NME7: variants seen among roughly 807,000 people sequenced by gnomAD.
NME7 encodes NME/NM23 family member 7, also known as nucleoside diphosphate kinase 7.
In NME7, 41 loss-of-function variants were observed where a neutral mutation model predicts 49.1. The ratio of observed to expected loss-of-function variants is 0.83; its 90% CI spans 0.65 to 1.08. NME7 has a LOEUF of 1.08. Ranked by LOEUF, NME7 falls within the 50% of genes least tolerant of loss-of-function variation. NME7 has a pLI of 0.00. For synonymous variants in NME7, 139 were observed against 150.6 expected (o/e 0.92, Z 0.56); for missense variants, 423 against 463.4 (o/e 0.91, Z 0.80).
chr1:169,306,264 C>T (rs761664664), intron 4 of NME7, among the ~76,000 whole-genome samples: 4 of 151,982 alleles, frequency 2.6e-5, no homozygotes, highest in Admixed American at 6.6e-5. Context: ...AAACCACTGA[C>T]GGATTTAAGG....
chr1:169,193,688 T>G (rs1660295471), intron 10 of NME7, among the ~76,000 whole-genome samples: 1 of 152,198 alleles, frequency 6.6e-6, no homozygotes, highest in South Asian at 2.1e-4. Flanking sequence ...CAGCTCCAGC[T>G]GGTGGCTATG....
chr1:169,314,215 C>A (rs772761070), intron 3 of NME7, among the ~76,000 whole-genome samples: 28 of 151,456 alleles, frequency 1.8e-4, no homozygotes, highest in Non-Finnish European at 4.0e-4. Context: ...TAAATGAATA[C>A]TCATTACATA....
chr1:169,157,205 G>T (rs1659103540), intron 11 of NME7, among the ~76,000 whole-genome samples: 1 of 152,162 alleles, frequency 6.6e-6, no homozygotes, highest in Non-Finnish European at 1.5e-5. Flanking sequence ...GAGAGAGAGG[G>T]TATGGAGGTG....
intron 1 of NME7, among the ~76,000 whole-genome samples, chr1:169,349,255 C>G (rs905587708): frequency 2.0e-5 from 3 of 152,050 alleles, no homozygotes; most frequent in African/African-American, 7.2e-5. Context: ...CTCCAGTCAT[C>G]GGGACTTTAG....
At chr1:169,331,689 G>T (rs2101947684) in intron 1 of NME7, among the ~76,000 whole-genome samples, 1 of 151,450 alleles carries the variant, frequency 6.6e-6, no homozygotes, top group Non-Finnish European at 1.5e-5. Flanking sequence ...ATCTTAAAAA[G>T]AAATTTTAAA....
At chr1:169,224,034 T>C (rs1019298683) in intron 10 of NME7, among the ~76,000 whole-genome samples, 5 of 152,190 alleles carry the variant, frequency 3.3e-5, no homozygotes, top group Admixed American at 1.3e-4. Context: ...CTACCACATA[T>C]AACCAACCTC....
intron 10 of NME7, among the ~76,000 whole-genome samples, chr1:169,222,879 C>A (rs1177403571): frequency 6.6e-6 from 1 of 152,158 alleles, no homozygotes; most frequent in Non-Finnish European, 1.5e-5. Context: ...TAATCTGATG[C>A]TCCACTACCT....
At chr1:169,282,002 G>A (rs1650037873) in intron 7 of NME7, among the ~76,000 whole-genome samples, 1 of 152,084 alleles carries the variant, frequency 6.6e-6, no homozygotes, top group Admixed American at 6.5e-5. Context: ...TCTATTGTTT[G>A]GAACAGTTTC....
rs1397762513 is a variant in NME7, at chr1:169,275,254, T to C, written c.754+12049A>G. On this transcript the variant is annotated intron_variant, in intron 7 of 11. Coordinates refer to ENST00000367811, the MANE Select transcript of NME7 (RefSeq NM_013330.5). ...ATTGTGAATGGGAGCTCACTCATGA[T>C]TTGGCTCTCTGTTTGTCTGTTATTG... 1.5e-5 allele frequency among the ~76,000 whole-genome samples: 2 copies of C among 130,820 alleles called. 1 individual carries two copies. Among genetic ancestry groups the C allele is most frequent in the Non-Finnish European group, 3.6e-5 (2 of 56,082 alleles). The allele number at this position is 130,820 out of a possible 152,430, so 85.8% of individuals were successfully genotyped here. A position where few individuals can be genotyped will look rare whatever the true frequency, so the allele number is the denominator to read the frequency against.
Position 169,263,350 on chromosome 1 carries a change from T to A in NME7, c.754+23953A>T, listed in dbSNP as rs530004209. ...ATGTTGAAACCCAATCCAAGGAAGC[T>A]AAGAATCACAATAAAACAATACAGG... On this transcript the variant is annotated intron_variant, in intron 7 of 11. Transcript: ENST00000367811. Among the ~76,000 whole-genome samples, 69 of 133,514 alleles carry A rather than the reference T, an allele frequency of 5.2e-4. 13 individuals are homozygous for A. Among genetic ancestry groups the A allele is most frequent in the Non-Finnish European group, 1.0e-3 (57 of 56,878 alleles). 87.6% of individuals were successfully genotyped at this position (133,514 alleles called of 152,430 possible).
At chr1:169,230,575 T>C (rs1647566093) in intron 10 of NME7, 143 bp downstream of exon 10, 1 of 448,500 alleles carries the variant, frequency 2.2e-6, no homozygotes, top group Admixed American at 4.1e-5. Flanking sequence ...ATAAATTTTA[T>C]GAAGTGCCAT....
chr1:169,321,058 T>C (rs1315712671), intron 3 of NME7, among the ~76,000 whole-genome samples: 2 of 152,212 alleles, frequency 1.3e-5, no homozygotes, highest in Non-Finnish European at 2.9e-5. Flanking sequence ...ACATAAATTA[T>C]AATTTTTATG....
At position 169,209,317 on chromosome 1, in the gene NME7, T is replaced by C. The variant is rs147029950; in HGVS notation, c.990+21401A>G. Among the ~76,000 whole-genome samples, 47 of 152,240 alleles carry C rather than the reference T, an allele frequency of 3.1e-4. No individual in the cohort carries two copies. The East Asian group carries it at 7.9e-3, about 26-fold the overall frequency. On this transcript the variant is annotated intron_variant, in intron 10 of 11. Coordinates refer to ENST00000367811, the MANE Select transcript of NME7 (RefSeq NM_013330.5). Reference sequence around the variant, plus strand: ...TGCTTTTGAGAGTAAAAGCTATTTATATGTACGTGATATTTAAATCTCTGG... The same window carrying C: ...TGCTTTTGAGAGTAAAAGCTATTTACATGTACGTGATATTTAAATCTCTGG...
intron 10 of NME7, among the ~76,000 whole-genome samples, chr1:169,194,387 A>C (rs1660313986): frequency 6.6e-6 from 1 of 152,188 alleles, no homozygotes. Context: ...ACAGATGGTA[A>C]AGTTCCATGT....
chr1:169,315,358 G>C (rs1003944720), intron 3 of NME7, among the ~76,000 whole-genome samples: 1 of 150,588 alleles, frequency 6.6e-6, no homozygotes, highest in African/African-American at 2.4e-5. Flanking sequence ...TCCACCTCCC[G>C]GGTTCAAGCA....
intron 1 of NME7, among the ~76,000 whole-genome samples, chr1:169,360,279 T>A (rs1237265943): frequency 6.6e-6 from 1 of 151,450 alleles, no homozygotes; most frequent in Admixed American, 6.6e-5. Flanking sequence ...AAATTAGGAG[T>A]CTCTGAAGTT....
chr1:169,326,376 C>A (rs1159875625), intron 1 of NME7, among the ~76,000 whole-genome samples: 5 of 152,154 alleles, frequency 3.3e-5, no homozygotes, highest in African/African-American at 1.2e-4. Context: ...ATTTGGAGAG[C>A]TTTTAAGGCA....
intron 11 of NME7, among the ~76,000 whole-genome samples, chr1:169,141,612 C>G (rs922255155): frequency 6.6e-6 from 1 of 152,154 alleles, no homozygotes; most frequent in East Asian, 1.9e-4. Context: ...GTACTCTTTA[C>G]AAGAAAAACA....
intron 10 of NME7, among the ~76,000 whole-genome samples, chr1:169,182,188 A>AAAAAAC (rs1242794623): frequency 2.1e-5 from 3 of 145,790 alleles, no homozygotes; most frequent in African/African-American, 2.5e-5. Flanking sequence ...AAAAAAAAAA[A>AAAAAAC]ACAACTCTGT....
Sources: allele counts gnomAD v4.1 joint callset (sites outside exome capture counted in the v4.1 genomes callset), GRCh38; gene constraint gnomAD v4.1.1; transcripts MANE v1.5; gene names NCBI Gene and HGNC (gene_info 2026-07-23, HGNC 2026-07-21).